SPATA6: variants seen among roughly 807,000 people sequenced by gnomAD.
SPATA6 encodes spermatogenesis-associated protein 6.
Under a neutral mutation model 65.3 loss-of-function variants are expected in SPATA6, and 56 were observed. The observed-to-expected ratio is 0.86, with a 90% CI of 0.69 to 1.07. The LOEUF (loss-of-function observed/expected upper bound fraction) is 1.07. SPATA6 is among the 50% of genes least tolerant of loss of function. The probability of loss-of-function intolerance (pLI) is 0.00; values close to 1 mark genes in which losing one functional copy is unlikely to be tolerated. For synonymous variants in SPATA6, 199 were observed against 213.2 expected (o/e 0.93, Z 0.58); for missense variants, 590 against 594.8 (o/e 0.99, Z 0.08).
chr1:48,363,427 C>A (rs1646879968), intron 9 of SPATA6, among the ~76,000 whole-genome samples: 1 of 152,098 alleles, frequency 6.6e-6, no homozygotes, highest in South Asian at 2.1e-4. Context: ...AGACCCTGAG[C>A]AAGTCATTTA....
chr1:48,322,094 C>A (rs1645615103), intron 11 of SPATA6, among the ~76,000 whole-genome samples: 1 of 151,928 alleles, frequency 6.6e-6, no homozygotes, highest in South Asian at 2.1e-4. Flanking sequence ...CAAAATTCTT[C>A]AAATGAACAA....
At chr1:48,268,304 ATGTGTG>A in the SPATA6 span, among the ~76,000 whole-genome samples, 11,965 of 149,160 alleles carry the variant, frequency 0.08, 603 homozygotes, top group East Asian at 0.23. Context: ...AAATAAAAAT[ATGTGTG>A]TGTGTGTGTG....
At chr1:48,389,061 T>C (rs1220739118) in intron 8 of SPATA6, among the ~76,000 whole-genome samples, 1 of 152,054 alleles carries the variant, frequency 6.6e-6, no homozygotes, top group Non-Finnish European at 1.5e-5. Context: ...GCCAGGCTGG[T>C]CTCGAAGTCC....
intron 8 of SPATA6, among the ~76,000 whole-genome samples, chr1:48,391,590 A>G (rs1245167504): frequency 6.6e-6 from 1 of 152,108 alleles, no homozygotes; most frequent in African/African-American, 2.4e-5. Flanking sequence ...CTTTGATCTG[A>G]GGTTTCCCAA....
At chr1:48,384,485 G>A (rs1352163451) in intron 9 of SPATA6, among the ~76,000 whole-genome samples, 1 of 149,406 alleles carries the variant, frequency 6.7e-6, no homozygotes, top group African/African-American at 2.5e-5. Context: ...TTTCACTTAG[G>A]GACAGAAAAG....
chr1:48,470,396 G>A (rs1216280504), intron 1 of SPATA6, among the ~76,000 whole-genome samples: 1 of 152,162 alleles, frequency 6.6e-6, no homozygotes, highest in African/African-American at 2.4e-5. Context: ...TGTGTCCTGG[G>A]CCAAGGGATC....
intron 9 of SPATA6, among the ~76,000 whole-genome samples, chr1:48,381,156 C>A (rs1274846932): frequency 6.6e-6 from 1 of 152,134 alleles, no homozygotes; most frequent in Non-Finnish European, 1.5e-5. Flanking sequence ...CCACTCACCT[C>A]CTGTGGTGTG....
At chr1:48,396,388 C>G (rs1479090706) in intron 7 of SPATA6, among the ~76,000 whole-genome samples, 1 of 151,416 alleles carries the variant, frequency 6.6e-6, no homozygotes, top group Non-Finnish European at 1.5e-5. Context: ...AGGTATATAC[C>G]CAAAAGAGTT....
chr1:48,427,456 T>C (rs1227633394), intron 3 of SPATA6, among the ~76,000 whole-genome samples: 1 of 125,814 alleles, frequency 7.9e-6, no homozygotes, highest in Admixed American at 7.9e-5. Flanking sequence ...AAAAAGAAAA[T>C]GAATACTACA....
the SPATA6 span, among the ~76,000 whole-genome samples, chr1:48,271,750 T>G: frequency 6.6e-6 from 1 of 152,164 alleles, no homozygotes; most frequent in African/African-American, 2.4e-5. Context: ...GGTAAGATAG[T>G]CACTGATAAT....
At chr1:48,277,584 A>G in the SPATA6 span, among the ~76,000 whole-genome samples, 2 of 152,332 alleles carry the variant, frequency 1.3e-5, no homozygotes, top group South Asian at 4.1e-4. Flanking sequence ...TTGCTAGCAC[A>G]GCAGTGTGAG....
At chr1:48,312,507 T>A (rs533394614) in intron 11 of SPATA6, among the ~76,000 whole-genome samples, 20 of 150,366 alleles carry the variant, frequency 1.3e-4, no homozygotes, top group Admixed American at 1.1e-3. Context: ...GAAGGAAAAC[T>A]AACAAAAAGA....
chr1:48,286,277 T>C, the SPATA6 span, among the ~76,000 whole-genome samples: 1 of 152,166 alleles, frequency 6.6e-6, no homozygotes, highest in Non-Finnish European at 1.5e-5. Context: ...AGTACAGACA[T>C]TTTAAAAATA....
Position 48,456,249 on chromosome 1 carries a change from C to T in SPATA6, c.52-3118G>A, listed in dbSNP as rs189352846. On this transcript the variant is annotated intron_variant, in intron 1 of 12. Coordinates refer to ENST00000371847, the MANE Select transcript of SPATA6 (RefSeq NM_019073.4). ...TTCAAACATTTAAGGAAATAGAAGGCCACTCTTTAGGAGAACATAAAGCTA... is the reference window on the plus strand; with the variant it reads ...TTCAAACATTTAAGGAAATAGAAGGTCACTCTTTAGGAGAACATAAAGCTA... 9.2e-5 allele frequency among the ~76,000 whole-genome samples: 14 copies of T among 152,256 alleles called. No homozygotes were observed. In the East Asian group the frequency reaches 2.7e-3, roughly 29 times the overall value.
chr1:48,430,238 G>C lies in SPATA6; in HGVS notation c.239-17087C>G, dbSNP rs1402588091. ...TGAGAATCTTGAAAATAGCACAAAA[G>C]ACAAGCCACACATCACTTACAAAAG... On this transcript the variant is annotated intron_variant, in intron 3 of 12. Transcript: ENST00000371847. Among the ~76,000 whole-genome samples, 12 of 152,192 alleles carry C rather than the reference G, an allele frequency of 7.9e-5. No individual in the cohort carries two copies. In the South Asian group the frequency reaches 1.9e-3, roughly 24 times the overall value.
intron 3 of SPATA6, among the ~76,000 whole-genome samples, chr1:48,441,162 A>G (rs1371214079): frequency 9.2e-5 from 14 of 152,204 alleles, no homozygotes; most frequent in Admixed American, 9.2e-4. Context: ...GAAGCCCCCA[A>G]CCAGATGATC....
At chr1:48,418,005 C>A (rs928282662) in intron 3 of SPATA6, among the ~76,000 whole-genome samples, 1 of 152,044 alleles carries the variant, frequency 6.6e-6, no homozygotes, top group Non-Finnish European at 1.5e-5. Context: ...TAGTTACATA[C>A]CTGATTCTTC....
intron 3 of SPATA6, among the ~76,000 whole-genome samples, chr1:48,415,209 C>G (rs1175930785): frequency 6.6e-6 from 1 of 152,174 alleles, no homozygotes; most frequent in Non-Finnish European, 1.5e-5. Flanking sequence ...CTACAAGTAT[C>G]AATAACAAGG....
chr1:48,361,297 G>T (rs1266197261), intron 9 of SPATA6, among the ~76,000 whole-genome samples: 1 of 152,144 alleles, frequency 6.6e-6, no homozygotes, highest in Non-Finnish European at 1.5e-5. Context: ...ACGAGAATGT[G>T]TTGTTTTGGA....
Sources: allele counts gnomAD v4.1 joint callset (sites outside exome capture counted in the v4.1 genomes callset), GRCh38; gene constraint gnomAD v4.1.1; transcripts MANE v1.5; gene names NCBI Gene and HGNC (gene_info 2026-07-23, HGNC 2026-07-21).